RORA: variants seen among roughly 807,000 people sequenced by gnomAD.
RORA encodes the protein nuclear receptor ROR-alpha.
A neutral mutation model predicts 69.5 loss-of-function variants in RORA; 7 were observed. The observed-to-expected ratio is 0.10, with a 90% CI of 0.06 to 0.19. The LOEUF (loss-of-function observed/expected upper bound fraction) is 0.19, where lower values mean the gene tolerates loss of function less well. Ranked by LOEUF, RORA falls within the 10% of genes least tolerant of loss-of-function variation. The pLI, the probability that RORA is intolerant of heterozygous loss-of-function variation, is 1.00. For synonymous variants in RORA, 261 were observed against 240.8 expected (o/e 1.08, Z -0.78); for missense variants, 457 against 663.0 (o/e 0.69, Z 3.41).
chr15:61,097,232 G>A (rs1384371245), intron 1 of RORA, among the ~76,000 whole-genome samples: 1 of 152,202 alleles, frequency 6.6e-6, no homozygotes, highest in East Asian at 1.9e-4. Context: ...AGTGAAAGGA[G>A]GGAGGAGCCT....
At chr15:60,689,729 T>C (rs186196746) in intron 1 of RORA, among the ~76,000 whole-genome samples, 1 of 152,234 alleles carries the variant, frequency 6.6e-6, no homozygotes, top group East Asian at 1.9e-4. Flanking sequence ...GAGATGTGCA[T>C]TCAGGGACAC....
chr15:60,814,535 C>T (rs990486772), intron 1 of RORA, among the ~76,000 whole-genome samples: 1 of 152,084 alleles, frequency 6.6e-6, no homozygotes, highest in Admixed American at 6.6e-5. Flanking sequence ...AGATGCCCAA[C>T]ATAGTCCCCG....
chr15:60,655,094 G>C (rs2140705799), intron 2 of RORA, among the ~76,000 whole-genome samples: 1 of 152,258 alleles, frequency 6.6e-6, no homozygotes, highest in Non-Finnish European at 1.5e-5. Context: ...AGTAATATTT[G>C]TTGGATGCAC....
chr15:61,180,328 A>T (rs1431441670), intron 1 of RORA, among the ~76,000 whole-genome samples: 1 of 152,148 alleles, frequency 6.6e-6, no homozygotes, highest in Non-Finnish European at 1.5e-5. Flanking sequence ...ATTTCAGAGA[A>T]ATAATATCTT....
At chr15:60,971,840 C>T (rs1455036555) in intron 1 of RORA, among the ~76,000 whole-genome samples, 1 of 152,194 alleles carries the variant, frequency 6.6e-6, no homozygotes, top group East Asian at 1.9e-4. Flanking sequence ...AACTTGCTCA[C>T]ATTGGGCCAG....
intron 1 of RORA, among the ~76,000 whole-genome samples, chr15:60,866,328 A>T (rs887852837): frequency 6.6e-6 from 1 of 152,206 alleles, no homozygotes; most frequent in African/African-American, 2.4e-5. Context: ...TTCACTCAAC[A>T]TAATGTCCTC....
chr15:60,566,083 A>C (rs181615729), intron 2 of RORA, among the ~76,000 whole-genome samples: 48 of 152,346 alleles, frequency 3.2e-4, no homozygotes, highest in Admixed American at 1.3e-3. Context: ...AGGTGATGTG[A>C]TCAAGATTAA....
At chr15:60,887,714 G>A (rs1309044385) in intron 1 of RORA, among the ~76,000 whole-genome samples, 1 of 152,204 alleles carries the variant, frequency 6.6e-6, no homozygotes, top group Non-Finnish European at 1.5e-5. Flanking sequence ...GACAGTACTA[G>A]CATGAAAGGT....
intron 2 of RORA, among the ~76,000 whole-genome samples, chr15:60,548,677 C>A (rs987332102): frequency 2.0e-5 from 3 of 151,928 alleles, no homozygotes; most frequent in Admixed American, 1.3e-4. Flanking sequence ...TCGCTCTGTT[C>A]CCCAGGCTGG....
At chr15:60,779,092 C>T (rs1045867874) in intron 1 of RORA, among the ~76,000 whole-genome samples, 4 of 152,214 alleles carry the variant, frequency 2.6e-5, no homozygotes, top group Non-Finnish European at 4.4e-5. Context: ...GTTTAGGTAG[C>T]GAGCATAAAT....
chr15:60,774,199 C>A (rs2072125095), intron 1 of RORA, among the ~76,000 whole-genome samples: 2 of 152,190 alleles, frequency 1.3e-5, no homozygotes, highest in African/African-American at 4.8e-5. Context: ...CCTCAGGGAA[C>A]CTGATCATGT....
intron 1 of RORA, among the ~76,000 whole-genome samples, chr15:61,049,510 TA>T (rs1317624253): frequency 1.3e-5 from 2 of 152,124 alleles, no homozygotes; most frequent in African/African-American, 4.8e-5. Context: ...TGAGTCAACA[TA>T]AAAAAATCCA....
intron 2 of RORA, chr15:60,592,363 C>A: frequency 7.1e-7 from 1 of 1,405,290 alleles, no homozygotes; most frequent in Non-Finnish European, 9.3e-7. Flanking sequence ...GCCCACCCGG[C>A]CCCGGCGGGG....
At chr15:60,651,097 A>G (rs2070136510) in intron 2 of RORA, among the ~76,000 whole-genome samples, 2 of 152,208 alleles carry the variant, frequency 1.3e-5, no homozygotes. Context: ...GGAGTAGAAT[A>G]CTGAACAGTT....
intron 2 of RORA, among the ~76,000 whole-genome samples, chr15:60,629,288 G>A (rs946240663): frequency 2.0e-5 from 3 of 150,294 alleles, no homozygotes; most frequent in African/African-American, 7.4e-5. Context: ...CTGGGTTCAA[G>A]CGATTCTCCT....
intron 1 of RORA, among the ~76,000 whole-genome samples, chr15:60,840,293 T>C (rs2073178774): frequency 6.6e-6 from 1 of 152,240 alleles, no homozygotes; most frequent in African/African-American, 2.4e-5. Context: ...CCTGGTCCTC[T>C]CAGCCAGTGT....
At chr15:60,869,284 C>T (rs2073525837) in intron 1 of RORA, among the ~76,000 whole-genome samples, 1 of 152,124 alleles carries the variant, frequency 6.6e-6, no homozygotes, top group Non-Finnish European at 1.5e-5. Context: ...ATATAGAGGG[C>T]ACAGGCTGAT....
intron 1 of RORA, among the ~76,000 whole-genome samples, chr15:60,683,732 A>G (rs1221914252): frequency 6.6e-6 from 1 of 152,040 alleles, no homozygotes; most frequent in Non-Finnish European, 1.5e-5. Context: ...TAACTTAACA[A>G]TATGACAGAA....
intron 1 of RORA, among the ~76,000 whole-genome samples, chr15:60,964,751 G>C (rs1190348736): frequency 1.3e-5 from 2 of 152,200 alleles, no homozygotes; most frequent in Non-Finnish European, 1.5e-5. Flanking sequence ...GAACACTGCT[G>C]TCTGTCTTCA....
Sources: gnomAD v4.1 joint callset for allele counts (sites outside exome capture counted in the v4.1 genomes callset) on GRCh38, gnomAD v4.1.1 for gene constraint, MANE v1.5 for transcripts, NCBI Gene and HGNC (gene_info 2026-07-23, HGNC 2026-07-21) for gene names.